Variants in FN1 observed in about 807,000 individuals in gnomAD.
FN1 encodes the protein fibronectin 1, also known as fibronectin.
In FN1, 106 loss-of-function variants were observed where a neutral mutation model predicts 297.3. The observed-to-expected ratio is 0.36, with a 90% CI of 0.30 to 0.42. FN1 has a LOEUF of 0.42. Ranked by LOEUF, FN1 falls within the 10% of genes least tolerant of loss-of-function variation. The pLI is 1.00. For missense variants in FN1, 2,690 were observed against 3,124.9 expected (o/e 0.86, Z 3.32); for synonymous variants, 1,149 against 1,152.6 (o/e 1.00, Z 0.06).
chr2:215,410,605 T>G (rs2062482229), intron 13 of FN1, among the ~76,000 whole-genome samples: 1 of 152,000 alleles, frequency 6.6e-6, no homozygotes, highest in African/African-American at 2.4e-5. Flanking sequence ...CCTCCCAGGT[T>G]TAAGCGCTTC....
intron 12 of FN1, 90 bp from the exon 13 acceptor site, chr2:215,415,048 G>T: frequency 1.0e-6 from 1 of 994,710 alleles, no homozygotes; most frequent in African/African-American, 1.6e-5. Flanking sequence ...ATTATAAACA[G>T]CTTTGCTTGT....
intron 12 of FN1, among the ~76,000 whole-genome samples, chr2:215,415,407 A>T (rs2063301261): frequency 6.6e-6 from 1 of 152,218 alleles, no homozygotes; most frequent in Non-Finnish European, 1.5e-5. Flanking sequence ...CCTAAGAAGG[A>T]AACAACATTC....
intron 13 of FN1, among the ~76,000 whole-genome samples, chr2:215,411,581 G>GA (rs2106318943): frequency 6.7e-6 from 1 of 149,852 alleles, no homozygotes; most frequent in Admixed American, 6.6e-5. Context: ...GCATCCATTA[G>GA]AAAAAACCCT....
intron 2 of FN1, among the ~76,000 whole-genome samples, chr2:215,434,196 CT>C (rs199611192): frequency 0.036 from 5,407 of 152,302 alleles, 183 homozygotes; most frequent in South Asian, 0.12. Context: ...CCATTTTCCC[CT>C]GATCAGTGCT....
Position 215,433,374 on chromosome 2 carries a change from T to G in FN1, c.365A>C (p.Asp122Ala). Residue 122 changes from aspartate to alanine, a missense_variant, in exon 3 of 46, where the codon GAC becomes GCC. Asp to Ala is a moderately radical substitution (Grantham distance 126). This residue lies in a region of FN1 where 876 missense variants were observed against 1,058.1 expected (regional missense o/e 0.83). Coordinates refer to ENST00000354785, the MANE Select transcript of FN1 (RefSeq NM_212482.4). Reference sequence around the variant, plus strand: ...TCGCCCAGCCCCGATGCAGGTACAGTCCCAGATCATGGAGTCTTTAGGACG... The same window carrying G: ...TCGCCCAGCCCCGATGCAGGTACAGGCCCAGATCATGGAGTCTTTAGGACG... The part of the protein sequence containing the change: ...YERPKDSMIW[D>A]CTCIGAGRGR... 6.2e-7 allele frequency: 1 copy of G among 1,614,166 alleles called. No homozygotes were observed.
Position 215,370,385 on chromosome 2 carries a change from G to GTC in FN1, c.6761_6762insGA (p.Arg2255ThrfsTer9). On this transcript the variant is annotated frameshift_variant, in exon 41 of 46. Coordinates refer to ENST00000354785, the MANE Select transcript of FN1 (RefSeq NM_212482.4). LOFTEE classifies it high-confidence loss of function. ...CTATGACGTTGTAGGTGGCACCTCT[G>GTC]GTGAGGCCTGTCAGAGTGGCACTGG... The GTC allele has an allele frequency of 6.2e-7, 1 of 1,613,666 alleles. No homozygotes were observed.
rs749234338 is a variant in FN1, at chr2:215,428,757, G to A, written c.686-419C>T. The stretch of plus-strand genomic sequence containing the variant: ...AAACAGGCTAAGCGCGGTGGCTCAC[G>A]CCTGTAATCCTAGTACTTTAGGAGG... On this transcript the variant is annotated intron_variant, in intron 5 of 45. Transcript: ENST00000354785. Among the ~76,000 whole-genome samples the A allele has an allele frequency of 1.7e-4, 26 of 152,068 alleles. 1 individual carries two copies. Among genetic ancestry groups the A allele is most frequent in the Non-Finnish European group, 3.5e-4 (24 of 68,012 alleles).
At position 215,435,834 on chromosome 2, in the gene FN1, G is replaced by C. The variant is rs1228677555; in HGVS notation, c.-32C>G. 1.3e-6 allele frequency: 2 copies of C among 1,519,150 alleles called. No homozygotes were observed. The highest frequency in any genetic ancestry group is 1.4e-5 in the African/African-American group (1 of 72,760). The allele number at this position is 1,519,150 out of a possible 1,614,324, so 94.1% of individuals were successfully genotyped here. A position where few individuals can be genotyped will look rare whatever the true frequency, so the allele number is the denominator to read the frequency against. ...ACGGTGGGGGAGAGACGCCCGCACCGGGAGGCAAGTTGCCACCAAGTTTGC... is the reference window on the plus strand; with the variant it reads ...ACGGTGGGGGAGAGACGCCCGCACCCGGAGGCAAGTTGCCACCAAGTTTGC... On this transcript the variant is annotated 5_prime_UTR_variant, in exon 1 of 46. Transcript: ENST00000354785.
chr2:215,396,604 G>A (rs2060338457), intron 23 of FN1, among the ~76,000 whole-genome samples: 1 of 152,042 alleles, frequency 6.6e-6, no homozygotes, highest in Admixed American at 6.6e-5. Context: ...TACAATCCCA[G>A]TTTTGTAACA....
chr2:215,414,906 G>A lies in FN1; in HGVS notation c.1872C>T (p.Asn624=). The A allele has an allele frequency of 6.2e-7, 1 of 1,613,962 alleles. No homozygotes were observed. The highest frequency in any genetic ancestry group is 8.5e-7 in the Non-Finnish European group (1 of 1,179,874). Residue 624 remains asparagine (N), a synonymous_variant, in exon 13 of 46, where the codon AAC becomes AAT. Transcript: ENST00000354785. ...VFITETPSQP[N]SHPIQWNAPQ... Reference sequence around the variant, plus strand: ...GTGCATTCCACTGGATGGGGTGGGAGTTGGGCTGACTCGGAGTCTCAGTGA... The same window carrying A: ...GTGCATTCCACTGGATGGGGTGGGAATTGGGCTGACTCGGAGTCTCAGTGA...
intron 35 of FN1, 44 bp from the exon 36 acceptor site, chr2:215,376,718 C>A (rs1455191289): frequency 2.5e-6 from 4 of 1,584,462 alleles, no homozygotes; most frequent in Non-Finnish European, 3.5e-6. Context: ...CTTGGCTCAT[C>A]CATGTAAAGT....
intron 14 of FN1, 41 bp from the exon 15 acceptor site, chr2:215,409,780 C>T (rs1010002624): frequency 6.2e-7 from 1 of 1,611,516 alleles, no homozygotes; most frequent in Non-Finnish European, 8.5e-7. Context: ...CTTCAGTCAT[C>T]TAGAAAATTT....
intron 19 of FN1, among the ~76,000 whole-genome samples, chr2:215,405,181 T>A (rs908482484): frequency 5.9e-5 from 9 of 152,354 alleles, no homozygotes; most frequent in Non-Finnish European, 8.8e-5. Flanking sequence ...CTCAGATTCA[T>A]GGTAGGATAC....
At position 215,428,070 on chromosome 2, in the gene FN1, T is replaced by C. The variant is rs549240838; in HGVS notation, c.844+110A>G. ...GTGTAAATTATCTTAGGTTATTAGC[T>C]GAAACACTGCAAATTATCCTCAAAT... On this transcript the variant is annotated intron_variant, in intron 6 of 45. Coordinates refer to ENST00000354785, the MANE Select transcript of FN1 (RefSeq NM_212482.4). 1.6e-3 allele frequency: 2,091 copies of C among 1,314,150 alleles called. 50 individuals carry two copies. In the South Asian group the frequency reaches 0.023, roughly 15 times the overall value. The allele number at this position is 1,314,150 out of a possible 1,614,324, so 81.4% of individuals were successfully genotyped here.
intron 13 of FN1, chr2:215,414,614 C>T (rs571914623): frequency 1.5e-5 from 17 of 1,097,070 alleles, no homozygotes; most frequent in Admixed American, 3.5e-5. Context: ...AAATACCAGC[C>T]CCCCCACCGC....
chr2:215,384,542 A>C lies in FN1; in HGVS notation c.4729+318T>G, dbSNP rs536018994. On this transcript the variant is annotated intron_variant, in intron 29 of 45. Coordinates refer to ENST00000354785, the MANE Select transcript of FN1 (RefSeq NM_212482.4). Reference sequence around the variant, plus strand: ...TACATTCCTTTTAAATAAAATTTGGAAAATACAGAAAAGTAAAGAGAAGAA... The same window carrying C: ...TACATTCCTTTTAAATAAAATTTGGCAAATACAGAAAAGTAAAGAGAAGAA... The C allele has an allele frequency of 7.9e-6, 3 of 381,910 alleles. No individual in the cohort carries two copies. The Admixed American group carries it at 1.3e-4, about 16-fold the overall frequency. The allele number at this position is 381,910 out of a possible 1,614,324, so 23.7% of individuals were successfully genotyped here.
Position 215,406,528 on chromosome 2 carries a change from A to T in FN1, c.2714-18T>A. 3 of 1,612,832 alleles carry T rather than the reference A, an allele frequency of 1.9e-6. No individual in the cohort carries two copies. The highest frequency in any genetic ancestry group is 2.5e-6 in the Non-Finnish European group (3 of 1,179,642). On this transcript the variant is annotated intron_variant, in intron 18 of 45. Coordinates refer to ENST00000354785, the MANE Select transcript of FN1 (RefSeq NM_212482.4). ...CACTGTATCTGACAGACAAGAGTCA[A>T]CTGGTCATTCACATTCTCTGCTGAA...
At chr2:215,386,312 A>C (rs1271533056) in intron 28 of FN1, among the ~76,000 whole-genome samples, 1 of 150,532 alleles carries the variant, frequency 6.6e-6, no homozygotes, top group Admixed American at 6.6e-5. Context: ...TCTGACCTCA[A>C]GTGATCTGCC....
intron 40 of FN1, among the ~76,000 whole-genome samples, chr2:215,371,112 A>G (rs1272945512): frequency 7.2e-6 from 1 of 139,828 alleles, no homozygotes; most frequent in East Asian, 5.4e-4. Flanking sequence ...TACTAAAAAT[A>G]CAAAAATTAG....
Sources: gnomAD v4.1 joint callset for allele counts (sites outside exome capture counted in the v4.1 genomes callset) on GRCh38, gnomAD v4.1.1 for gene constraint, gnomAD v4.1.1 regional missense constraint, MANE v1.5 for transcripts, NCBI Gene and HGNC (gene_info 2026-07-23, HGNC 2026-07-21) for gene names.